WDPCP: variants seen among roughly 807,000 people sequenced by gnomAD.
The protein encoded by WDPCP is WD repeat containing planar cell polarity effector.
Under a neutral mutation model 93.1 loss-of-function variants are expected in WDPCP, and 71 were observed. The ratio of observed to expected loss-of-function variants is 0.76; its 90% CI spans 0.63 to 0.93. The LOEUF is 0.93. Among genes scored for constraint, WDPCP ranks in the 40% least tolerant of loss-of-function variants. The probability of loss-of-function intolerance (pLI) is 0.00; values close to 1 mark genes in which losing one functional copy is unlikely to be tolerated. For missense variants in WDPCP, 844 were observed against 887.4 expected (o/e 0.95, Z 0.62); for synonymous variants, 315 against 315.0 (o/e 1.00, Z 0.00).
chr2:63,604,742 T>C, intron 3 of WDPCP: 1 of 1,614,158 alleles, frequency 6.2e-7, no homozygotes, highest in African/African-American at 1.3e-5. Flanking sequence ...AAGAATGTCA[T>C]TATCTGGGGA....
At chr2:63,557,791 A>G (rs866341828) in intron 1 of WDPCP, among the ~76,000 whole-genome samples, 6 of 152,248 alleles carry the variant, frequency 3.9e-5, no homozygotes, top group Admixed American at 1.3e-4. Context: ...AATTATAAAA[A>G]CAGTCTCTCA....
chr2:63,549,642 TG>T (rs1423366192), intron 1 of WDPCP, among the ~76,000 whole-genome samples: 1 of 152,070 alleles, frequency 6.6e-6, no homozygotes, highest in African/African-American at 2.4e-5. Flanking sequence ...GGCAGAAGCC[TG>T]TAATCCCAGC....
intron 14 of WDPCP, among the ~76,000 whole-genome samples, chr2:63,209,344 A>G (rs1676587671): frequency 6.6e-6 from 1 of 152,322 alleles, no homozygotes. Context: ...AATCTTGGTC[A>G]TCCATTCATG....
At chr2:63,169,865 T>A (rs1673252492) in intron 15 of WDPCP, among the ~76,000 whole-genome samples, 1 of 151,974 alleles carries the variant, frequency 6.6e-6, no homozygotes, top group African/African-American at 2.4e-5. Context: ...GATAATATTA[T>A]GCTTTTTATT....
chr2:63,138,284 A>G (rs1189773877), intron 17 of WDPCP, among the ~76,000 whole-genome samples: 2 of 152,214 alleles, frequency 1.3e-5, no homozygotes, highest in East Asian at 1.9e-4. Context: ...CATAGTGTCA[A>G]GCTGCCCTGA....
intron 1 of WDPCP, among the ~76,000 whole-genome samples, chr2:63,531,420 A>C (rs987476576): frequency 3.9e-5 from 6 of 152,192 alleles, no homozygotes; most frequent in Non-Finnish European, 8.8e-5. Flanking sequence ...GAGTAGCCTA[A>C]CTGGGAGACA....
chr2:63,402,129 T>C (rs540402539), intron 10 of WDPCP, among the ~76,000 whole-genome samples: 38 of 152,132 alleles, frequency 2.5e-4, no homozygotes, highest in Non-Finnish European at 5.1e-4. Flanking sequence ...TGGAATACTA[T>C]GAAGCCATAA....
At chr2:63,161,114 C>T (rs1559164714) in intron 15 of WDPCP, among the ~76,000 whole-genome samples, 1 of 152,098 alleles carries the variant, frequency 6.6e-6, no homozygotes, top group Non-Finnish European at 1.5e-5. Flanking sequence ...TAGATATGGT[C>T]TGTAAGGAAA....
chr2:63,407,001 G>T (rs1423875710), intron 9 of WDPCP, among the ~76,000 whole-genome samples: 1 of 152,096 alleles, frequency 6.6e-6, no homozygotes, highest in East Asian at 1.9e-4. Context: ...TTATTTGGGG[G>T]TAGCACTTTC....
chr2:63,650,139 C>T (rs903055292), intron 3 of WDPCP, among the ~76,000 whole-genome samples: 1 of 152,192 alleles, frequency 6.6e-6, no homozygotes, highest in South Asian at 2.1e-4. Context: ...AAGACCTTTG[C>T]TCAAGATGGA....
intron 12 of WDPCP, among the ~76,000 whole-genome samples, chr2:63,348,682 C>T (rs190043188): frequency 6.6e-6 from 1 of 151,996 alleles, no homozygotes; most frequent in African/African-American, 2.4e-5. Context: ...AAAAATAATA[C>T]TAAGTTGAAG....
intron 12 of WDPCP, among the ~76,000 whole-genome samples, chr2:63,366,110 C>T (rs1456353281): frequency 6.6e-6 from 1 of 152,112 alleles, no homozygotes; most frequent in East Asian, 1.9e-4. Flanking sequence ...CTAATTCTCC[C>T]AAATCCAGGA....
intron 2 of WDPCP, among the ~76,000 whole-genome samples, chr2:63,758,470 GCT>G (rs1670001922): frequency 6.6e-6 from 1 of 152,096 alleles, no homozygotes; most frequent in South Asian, 2.1e-4. Flanking sequence ...ACAGCACCTG[GCT>G]CTGTCACTCA....
chr2:63,255,950 A>G (rs1204578133), intron 14 of WDPCP, among the ~76,000 whole-genome samples: 1 of 152,224 alleles, frequency 6.6e-6, no homozygotes, highest in Non-Finnish European at 1.5e-5. Context: ...CAAAGGAGAA[A>G]AAGAAATACT....
intron 1 of WDPCP, among the ~76,000 whole-genome samples, chr2:63,557,575 C>A (rs1342250533): frequency 6.6e-6 from 1 of 152,122 alleles, no homozygotes; most frequent in Non-Finnish European, 1.5e-5. Flanking sequence ...GACTTTAACA[C>A]CCCACTGTCA....
At position 63,293,188 on chromosome 2, in the gene WDPCP, C is replaced by G. The variant is rs181016437; in HGVS notation, c.1812+20060G>C. Among the ~76,000 whole-genome samples the G allele has an allele frequency of 4.9e-4, 75 of 152,248 alleles. No individual in the cohort carries two copies. In the East Asian group the frequency reaches 0.014, roughly 28 times the overall value. On this transcript the variant is annotated intron_variant, in intron 13 of 17. Coordinates refer to ENST00000272321, the MANE Select transcript of WDPCP (RefSeq NM_015910.7). Reference sequence around the variant, plus strand: ...TTACCCCCTTCATTTTTCTTTCTTGCCCCTTTGCGAACCAAACATTAAAGA... The same window carrying G: ...TTACCCCCTTCATTTTTCTTTCTTGGCCCTTTGCGAACCAAACATTAAAGA...
chr2:63,324,911 T>C (rs1687414707), intron 12 of WDPCP, among the ~76,000 whole-genome samples: 1 of 152,216 alleles, frequency 6.6e-6, no homozygotes, highest in South Asian at 2.1e-4. Flanking sequence ...ATCCTTCTGC[T>C]TTCCTCAAGT....
intron 13 of WDPCP, among the ~76,000 whole-genome samples, chr2:63,273,720 G>A (rs1008647049): frequency 5.3e-5 from 8 of 151,978 alleles, no homozygotes; most frequent in Non-Finnish European, 1.2e-4. Context: ...AAACTAAAAA[G>A]AGACAAGGAA....
chr2:63,607,826 CAAAA>C (rs60229846), intron 3 of WDPCP, among the ~76,000 whole-genome samples: 5 of 118,958 alleles, frequency 4.2e-5, no homozygotes, highest in East Asian at 2.3e-4. Context: ...GACTCCGTCT[CAAAA>C]AAAAAAAAAA....
Sources: allele counts gnomAD v4.1 joint callset (sites outside exome capture counted in the v4.1 genomes callset), GRCh38; gene constraint gnomAD v4.1.1; transcripts MANE v1.5; gene names NCBI Gene and HGNC (gene_info 2026-07-23, HGNC 2026-07-21).